Variants in CDK8 observed in about 807,000 individuals in gnomAD.
CDK8 encodes the protein cyclin dependent kinase 8, also known as cyclin-dependent kinase 8.
Under a neutral mutation model 71.5 loss-of-function variants are expected in CDK8, and 29 were observed. The ratio of observed to expected loss-of-function variants is 0.41; its 90% CI spans 0.30 to 0.55. The LOEUF (loss-of-function observed/expected upper bound fraction) is 0.55, where lower values mean the gene tolerates loss of function less well. CDK8 is among the 20% of genes least tolerant of loss of function. The pLI is 0.37. For synonymous variants in CDK8, 161 were observed against 192.1 expected, an observed-to-expected ratio of 0.84 and a Z score of 1.34; for missense variants, 288 against 572.6, an observed-to-expected ratio of 0.50 and a Z score of 5.07.
intron 4 of CDK8, among the ~76,000 whole-genome samples, chr13:26,364,385 T>C (rs1477320361): frequency 6.6e-6 from 1 of 152,202 alleles, no homozygotes; most frequent in Admixed American, 6.5e-5. Flanking sequence ...TAATATTAAA[T>C]TTTACTGTGG....
At chr13:26,367,319 A>G (rs913851561) in intron 4 of CDK8, among the ~76,000 whole-genome samples, 1 of 152,352 alleles carries the variant, frequency 6.6e-6, no homozygotes, top group Admixed American at 6.5e-5. Flanking sequence ...AATTAAGAAG[A>G]AAAATAAGAA....
intron 1 of CDK8, among the ~76,000 whole-genome samples, chr13:26,328,593 G>C (rs1875133749): frequency 6.6e-6 from 1 of 152,166 alleles, no homozygotes; most frequent in Non-Finnish European, 1.5e-5. Flanking sequence ...ATTTTGAGAG[G>C]ACCAAAGGTC....
chr13:26,377,511 CAG>C (rs1875010809), intron 4 of CDK8, among the ~76,000 whole-genome samples: 1 of 152,056 alleles, frequency 6.6e-6, no homozygotes, highest in Non-Finnish European at 1.5e-5. Context: ...TATCAGGAAA[CAG>C]AATTGGTTAA....
chr13:26,321,032 C>G (rs1035996853), intron 1 of CDK8, among the ~76,000 whole-genome samples: 3 of 152,022 alleles, frequency 2.0e-5, no homozygotes, highest in Admixed American at 2.0e-4. Flanking sequence ...CAAAAGAATT[C>G]AAAGGAGGCC....
chr13:26,306,780 C>G (rs1360429455), intron 1 of CDK8, among the ~76,000 whole-genome samples: 1 of 152,006 alleles, frequency 6.6e-6, no homozygotes, highest in African/African-American at 2.4e-5. Context: ...AGGCACCCAC[C>G]ACCACACCTG....
At chr13:26,302,287 A>T (rs1004245947) in intron 1 of CDK8, among the ~76,000 whole-genome samples, 1 of 152,184 alleles carries the variant, frequency 6.6e-6, no homozygotes, top group Non-Finnish European at 1.5e-5. Context: ...AACTTATAAC[A>T]TCTATAGTAT....
intron 1 of CDK8, among the ~76,000 whole-genome samples, chr13:26,333,968 A>G (rs1041460497): frequency 2.0e-5 from 3 of 152,214 alleles, no homozygotes; most frequent in Non-Finnish European, 2.9e-5. Context: ...TGTAAACCAC[A>G]TAGCACTATT....
intron 1 of CDK8, among the ~76,000 whole-genome samples, chr13:26,263,732 C>G (rs940997989): frequency 9.9e-5 from 15 of 151,514 alleles, no homozygotes; most frequent in African/African-American, 3.7e-4. Flanking sequence ...AGCCACCGCG[C>G]CCGGCTAAAA....
intron 1 of CDK8, among the ~76,000 whole-genome samples, chr13:26,268,892 G>A (rs1872167220): frequency 6.6e-6 from 1 of 151,998 alleles, no homozygotes; most frequent in Admixed American, 6.6e-5. Flanking sequence ...ATTTCTTGTT[G>A]GTTGGCCTTG....
At position 26,304,753 on chromosome 13, in the gene CDK8, C is replaced by T. The variant is rs1261250685; in HGVS notation, c.129-32814C>T. ...CTGGGCTCAAGGGGTTCTCCTGCCT[C>T]AGCCTCCCAAGTAGCTGGGACTACA... On this transcript the variant is annotated intron_variant, in intron 1 of 12. Transcript: ENST00000381527. 3.9e-5 allele frequency among the ~76,000 whole-genome samples: 6 copies of T among 152,094 alleles called. No homozygotes were observed. In the East Asian group the frequency reaches 9.6e-4, roughly 24 times the overall value.
intron 1 of CDK8, among the ~76,000 whole-genome samples, chr13:26,317,970 C>T (rs147806378): frequency 6.6e-6 from 1 of 150,948 alleles, no homozygotes; most frequent in East Asian, 2.0e-4. Flanking sequence ...AAATATATAG[C>T]GAAAATAATA....
chr13:26,399,479 G>A (rs1156960751), intron 9 of CDK8, among the ~76,000 whole-genome samples: 1 of 152,168 alleles, frequency 6.6e-6, no homozygotes, highest in Non-Finnish European at 1.5e-5. Flanking sequence ...GTTTTAAGAA[G>A]TTCTCCAGGT....
intron 4 of CDK8, among the ~76,000 whole-genome samples, chr13:26,367,466 T>C (rs1874444522): frequency 6.6e-6 from 1 of 152,160 alleles, no homozygotes; most frequent in African/African-American, 2.4e-5. Flanking sequence ...TTTGAATCTT[T>C]GTTCTACCAC....
At chr13:26,326,785 T>C (rs2137956267) in intron 1 of CDK8, among the ~76,000 whole-genome samples, 1 of 152,296 alleles carries the variant, frequency 6.6e-6, no homozygotes, top group South Asian at 2.1e-4. Flanking sequence ...CTCTGTCTAA[T>C]GATGCTTCAA....
At chr13:26,338,790 C>A (rs577467654) in intron 2 of CDK8, among the ~76,000 whole-genome samples, 1 of 152,030 alleles carries the variant, frequency 6.6e-6, no homozygotes, top group African/African-American at 2.4e-5. Context: ...AAACTATGGT[C>A]AGTGGTGTTA....
chr13:26,320,948 T>G (rs956694578), intron 1 of CDK8, among the ~76,000 whole-genome samples: 18 of 152,242 alleles, frequency 1.2e-4, no homozygotes, highest in Non-Finnish European at 2.9e-5. Flanking sequence ...ATAGCCACTG[T>G]GGAAAACAGC....
At chr13:26,282,855 G>C (rs1872816940) in intron 1 of CDK8, among the ~76,000 whole-genome samples, 1 of 92,446 alleles carries the variant, frequency 1.1e-5, no homozygotes, top group Admixed American at 1.5e-4. Context: ...TAAACTTAAG[G>C]TAAAAGGGTG....
At chr13:26,393,314 T>C (rs1229239409) in intron 6 of CDK8, 53 bp from the exon 7 acceptor site, 7 of 1,241,086 alleles carry the variant, frequency 5.6e-6, no homozygotes, top group Non-Finnish European at 7.8e-6. Context: ...CCTTTCTTTT[T>C]CTTTTTTCCT....
intron 2 of CDK8, among the ~76,000 whole-genome samples, chr13:26,339,106 T>A (rs1873114356): frequency 6.6e-6 from 1 of 152,134 alleles, no homozygotes; most frequent in South Asian, 2.1e-4. Context: ...CTCTTCAATC[T>A]AAGATGAACA....
Sources: gnomAD v4.1 joint callset for allele counts (sites outside exome capture counted in the v4.1 genomes callset) on GRCh38, gnomAD v4.1.1 for gene constraint, MANE v1.5 for transcripts, NCBI Gene and HGNC (gene_info 2026-07-23, HGNC 2026-07-21) for gene names.